Variants in SPECC1 observed in about 807,000 individuals in gnomAD.
SPECC1 encodes the protein sperm antigen with calponin homology and coiled-coil domains 1, also known as cytospin-B.
SPECC1 carries 62 observed loss-of-function variants against 104.1 expected under a neutral mutation model. The ratio of observed to expected loss-of-function variants is 0.60; its 90% CI spans 0.49 to 0.74. The LOEUF is 0.74. SPECC1 is among the 30% of genes least tolerant of loss of function. The pLI is 0.00. For missense variants in SPECC1, 1,306 were observed against 1,310.5 expected (o/e 1.00, Z 0.05); for synonymous variants, 513 against 501.6 (o/e 1.02, Z -0.30).
At chr17:20,109,450 A>G (rs1211377805) in intron 2 of SPECC1, among the ~76,000 whole-genome samples, 2 of 152,222 alleles carry the variant, frequency 1.3e-5, no homozygotes, top group South Asian at 2.1e-4. Flanking sequence ...GGTTTTTCTC[A>G]TTAACGTTGA....
intron 12 of SPECC1, among the ~76,000 whole-genome samples, chr17:20,292,348 G>T (rs547622812): frequency 6.6e-6 from 1 of 151,744 alleles, no homozygotes; most frequent in African/African-American, 2.4e-5. Context: ...TTTTTTGGGG[G>T]GGGGACGGAG....
Position 20,205,057 on chromosome 17 carries a change from A to G in SPECC1, c.1008A>G (p.Ala336=), listed in dbSNP as rs1200269276. The G allele has an allele frequency of 1.2e-6, 2 of 1,614,206 alleles. No homozygotes were observed. Among genetic ancestry groups the G allele is most frequent in the South Asian group, 1.1e-5 (1 of 91,076 alleles). Residue 336 remains alanine (A), a synonymous_variant, in exon 4 of 15, where the codon GCA becomes GCG. Coordinates refer to ENST00000395527, the MANE Select transcript of SPECC1 (RefSeq NM_001243439.2). ...CTTCCGACTTTGAGCACATTACAGC[A>G]GAGACACCCTCAAGGCCCCTGTCCT... ...PDASDFEHIT[A]ETPSRPLSST... is the part of the protein sequence containing the mutation.
chr17:20,106,858 C>T (rs532410310), intron 2 of SPECC1, among the ~76,000 whole-genome samples: 16 of 152,162 alleles, frequency 1.1e-4, no homozygotes, highest in Non-Finnish European at 2.2e-4. Context: ...TGCTGTTGTT[C>T]AGAAAATGTG....
chr17:20,232,446 C>T, intron 7 of SPECC1, 41 bp downstream of exon 7: 3 of 1,561,088 alleles, frequency 1.9e-6, no homozygotes, highest in Non-Finnish European at 1.7e-6. Context: ...GCTTCTCAAT[C>T]ACTATGTATG....
chr17:20,111,811 G>T lies in SPECC1; in HGVS notation c.283+1249G>T, dbSNP rs972084849. 8.0e-5 allele frequency: 66 copies of T among 829,496 alleles called. No individual in the cohort carries two copies. The Middle Eastern group carries it at 1.8e-3, about 22-fold the overall frequency. 51.4% of individuals were successfully genotyped at this position (829,496 alleles called of 1,614,324 possible). ...GTGGTGGCTCACTCAGGACCCAGGG[G>T]GGGGGCAGCGCGATGAGGTGGGTGG... On this transcript the variant is annotated intron_variant, in intron 3 of 14. Transcript: ENST00000395527.
intron 4 of SPECC1, among the ~76,000 whole-genome samples, chr17:20,220,035 G>T (rs2037763990): frequency 6.6e-6 from 1 of 152,072 alleles, no homozygotes; most frequent in Non-Finnish European, 1.5e-5. Flanking sequence ...ATTATTCTAT[G>T]TGTCTGTTTT....
At chr17:20,216,476 C>T (rs1378775665) in intron 4 of SPECC1, among the ~76,000 whole-genome samples, 7 of 152,074 alleles carry the variant, frequency 4.6e-5, no homozygotes, top group Non-Finnish European at 8.8e-5. Flanking sequence ...TTTGGGGGTC[C>T]TGAGACTTTA....
At chr17:20,033,658 G>A (rs922340399) in intron 1 of SPECC1, among the ~76,000 whole-genome samples, 2 of 152,156 alleles carry the variant, frequency 1.3e-5, no homozygotes, top group Admixed American at 1.3e-4. Flanking sequence ...ACCAGTTGTT[G>A]TGGGAACTAA....
rs2042063908 is a variant in SPECC1, at chr17:20,318,158, T to C, written c.*4093T>C. 4.3e-6 allele frequency: 1 copy of C among 231,172 alleles called. No individual in the cohort carries two copies. The highest frequency in any genetic ancestry group is 8.6e-6 in the Non-Finnish European group (1 of 116,852). 14.3% of individuals were successfully genotyped at this position (231,172 alleles called of 1,614,324 possible). A position where few individuals can be genotyped will look rare whatever the true frequency, so the allele number is the denominator to read the frequency against. ...GTTGTTCTGAAGATCCTTTTTTTAA[T>C]GTATCATTTTTACATGAAAGACAGC... On this transcript the variant is annotated 3_prime_UTR_variant, in exon 15 of 15. Transcript: ENST00000395527.
intron 3 of SPECC1, among the ~76,000 whole-genome samples, chr17:20,144,725 C>T (rs2031263494): frequency 6.6e-6 from 1 of 152,206 alleles, no homozygotes; most frequent in Non-Finnish European, 1.5e-5. Context: ...CTGCCTCAGC[C>T]TCCCAAATAG....
At position 20,318,825 on chromosome 17, in the gene SPECC1, TTTTTTTTTTTAGCACACTAAC is replaced by T. The variant is rs1410632002; in HGVS notation, c.*4764_*4784del. On this transcript the variant is annotated 3_prime_UTR_variant, in exon 15 of 15. Coordinates refer to ENST00000395527, the MANE Select transcript of SPECC1 (RefSeq NM_001243439.2). Reference sequence around the variant, plus strand: ...TGTAGCATCCTGAATAGCACACTAATTTTTTTTTTTAGCACACTAACTTTAACTACATTAGTTGAGTGTAGT... The same window carrying T: ...TGTAGCATCCTGAATAGCACACTAATTTTAACTACATTAGTTGAGTGTAGT... 6.0e-6 allele frequency: 1 copy of T among 166,476 alleles called. No individual in the cohort carries two copies. The highest frequency in any genetic ancestry group is 1.3e-5 in the Non-Finnish European group (1 of 79,316). 10.3% of individuals were successfully genotyped at this position (166,476 alleles called of 1,614,324 possible). A position where few individuals can be genotyped will look rare whatever the true frequency, so the allele number is the denominator to read the frequency against.
chr17:20,206,853 A>G (rs1567940820), intron 4 of SPECC1, among the ~76,000 whole-genome samples: 1 of 152,216 alleles, frequency 6.6e-6, no homozygotes, highest in Non-Finnish European at 1.5e-5. Context: ...AGCCTTTGCC[A>G]GCACTTGGTA....
intron 3 of SPECC1, among the ~76,000 whole-genome samples, chr17:20,189,788 A>G (rs1597923211): frequency 6.6e-6 from 1 of 152,318 alleles, no homozygotes; most frequent in South Asian, 2.1e-4. Context: ...TTCTAATCCA[A>G]TTTGCTGAGC....
chr17:20,082,952 T>G (rs2047031466), intron 1 of SPECC1, among the ~76,000 whole-genome samples: 1 of 150,118 alleles, frequency 6.7e-6, no homozygotes, highest in African/African-American at 2.5e-5. Flanking sequence ...TGCTGTGTCC[T>G]TTGGTGTTCG....
chr17:20,144,215 C>T (rs1262577043), intron 3 of SPECC1, among the ~76,000 whole-genome samples: 1 of 105,788 alleles, frequency 9.5e-6, no homozygotes, highest in Non-Finnish European at 1.7e-5. Context: ...GGCAGGGTCT[C>T]TGTCTGTCAC....
chr17:20,054,190 T>C (rs1219025184), intron 1 of SPECC1, among the ~76,000 whole-genome samples: 1 of 152,220 alleles, frequency 6.6e-6, no homozygotes, highest in Non-Finnish European at 1.5e-5. Flanking sequence ...TTCTAAAATG[T>C]GAATTTGAGC....
chr17:20,227,357 T>A (rs952752275), intron 4 of SPECC1, 56 bp from the exon 5 acceptor site: 1 of 1,509,140 alleles, frequency 6.6e-7, no homozygotes, highest in Non-Finnish European at 9.1e-7. Flanking sequence ...AGTGTACAGA[T>A]CACTGTGGGA....
chr17:20,053,662 G>A (rs2045857618), intron 1 of SPECC1, among the ~76,000 whole-genome samples: 1 of 152,206 alleles, frequency 6.6e-6, no homozygotes. Context: ...GCAATGAATT[G>A]AGATCTCCTG....
chr17:20,038,044 T>C (rs2045162833), intron 1 of SPECC1, among the ~76,000 whole-genome samples: 1 of 152,156 alleles, frequency 6.6e-6, no homozygotes, highest in Non-Finnish European at 1.5e-5. Context: ...GTCAAATTTA[T>C]AATGTGTAGA....
Sources: gnomAD v4.1 joint callset for allele counts (sites outside exome capture counted in the v4.1 genomes callset) on GRCh38, gnomAD v4.1.1 for gene constraint, MANE v1.5 for transcripts, NCBI Gene and HGNC (gene_info 2026-07-23, HGNC 2026-07-21) for gene names.